Variants in PES1 observed in about 807,000 individuals in gnomAD.
The protein encoded by PES1 is pescadillo homolog.
In PES1, 31 loss-of-function variants were observed where a neutral mutation model predicts 77.1. That is an observed-to-expected ratio of 0.40 (90% CI 0.30 to 0.54). The LOEUF is 0.54. PES1 is among the 20% of genes least tolerant of loss of function. The pLI is 0.45. For synonymous variants in PES1, 282 were observed against 303.0 expected (o/e 0.93, Z 0.72); for missense variants, 658 against 771.7 (o/e 0.85, Z 1.75).
Position 30,578,831 on chromosome 22 carries a change from A to T in PES1, c.1683+6T>A. The stretch of plus-strand genomic sequence containing the variant: ...CCTGGATCTCAAGTGGGTGGCAAGA[A>T]CTCACCTCTCGGATTTTTCGCCTCT... On this transcript the variant is annotated splice_donor_region_variant and intron_variant, in intron 14 of 14. Coordinates refer to ENST00000354694, the MANE Select transcript of PES1 (RefSeq NM_014303.4). The T allele has an allele frequency of 3.7e-6, 6 of 1,612,074 alleles. No homozygotes were observed. Among genetic ancestry groups the T allele is most frequent in the Non-Finnish European group, 5.1e-6 (6 of 1,179,934 alleles).
intron 2 of PES1, among the ~76,000 whole-genome samples, chr22:30,599,454 G>GTTTT (rs2087320300): frequency 3.3e-5 from 5 of 152,046 alleles, no homozygotes; most frequent in African/African-American, 1.2e-4. Context: ...TAGTTTAATA[G>GTTTT]GAAACAGCGA....
chr22:30,579,708 G>GT, intron 12 of PES1, 43 bp downstream of exon 12: 1 of 1,582,454 alleles, frequency 6.3e-7, no homozygotes, highest in Non-Finnish European at 8.6e-7. Context: ...AACAGCCAGC[G>GT]TGGGCCCAGG....
chr22:30,588,504 G>A (rs1174664943), intron 2 of PES1, among the ~76,000 whole-genome samples: 5 of 152,194 alleles, frequency 3.3e-5, no homozygotes, highest in African/African-American at 4.8e-5. Context: ...GTGGCTAGGC[G>A]TGATGGCTCA....
rs1324657157 is a variant in PES1 at position 30,597,901 on chromosome 22, T to A, written c.-660-5503A>T. On this transcript the variant is annotated intron_variant, in intron 2 of 16. Transcript: ENST00000402281. The stretch of plus-strand genomic sequence containing the variant: ...AGTTTTGTTTTTTTTTTTTTTGTTT[T>A]GAGTCGGAGTCTCACTCTGTCGCCC... Among the ~76,000 whole-genome samples the A allele has an allele frequency of 1.3e-4, 16 of 124,826 alleles. 1 individual carries two copies. The highest frequency in any genetic ancestry group is 3.3e-5 in the Non-Finnish European group (2 of 59,764). The allele number at this position is 124,826 out of a possible 152,430, so 81.9% of individuals were successfully genotyped here.
Position 30,580,075 on chromosome 22 carries a change from G to A in PES1, c.1147C>T (p.Gln383Ter), listed in dbSNP as rs1361822878. Residue 383 changes from glutamine (Q) to a stop codon, truncating the protein, a stop_gained, in exon 11 of 15, where the codon CAG becomes TAG. Transcript: ENST00000354694. LOFTEE classifies it high-confidence loss of function. ...ITHQIVDRPG[Q>*]QTSVIGRCYV... ...TACCTGCCAATGACTGAGGTCTGCT[G>A]CCCAGGCCGGTCGACAATCTGATGG... 6.2e-7 allele frequency: 1 copy of A among 1,614,110 alleles called. No individual in the cohort carries two copies. Among genetic ancestry groups the A allele is most frequent in the South Asian group, 1.1e-5 (1 of 91,078 alleles).
upstream of PES1, chr22:30,591,961 G>A (rs1408733023): frequency 5.6e-6 from 8 of 1,423,820 alleles, no homozygotes; most frequent in African/African-American, 7.2e-5. Flanking sequence ...GCTGCCCAAT[G>A]AGATGCCTGT....
intron 8 of PES1, 89 bp downstream of exon 8, chr22:30,581,245 A>T (rs1355405554): frequency 1.4e-6 from 2 of 1,454,802 alleles, no homozygotes; most frequent in East Asian, 2.3e-5. Flanking sequence ...AGCCATAACC[A>T]CCCCCACTCT....
chr22:30,602,181 G>GGATC (rs2087365832), intron 2 of PES1, among the ~76,000 whole-genome samples: 1 of 152,132 alleles, frequency 6.6e-6, no homozygotes, highest in Non-Finnish European at 1.5e-5. Flanking sequence ...GGAGGTGACT[G>GGATC]GATCATGGAG....
At position 30,589,290 on chromosome 22, in the gene PES1, A is replaced by G. The variant is rs377094701; in HGVS notation, c.25-20T>C. On this transcript the variant is annotated intron_variant, in intron 1 of 14. Transcript: ENST00000354694. ...TTCATACTGGGAGAGGAAAAAAACA[A>G]TTCTCCATTAGCAATGATTGTAGTG... is the stretch of plus-strand genomic sequence containing the variant. 19 of 1,593,058 alleles carry G rather than the reference A, an allele frequency of 1.2e-5. 1 individual carries two copies. The highest frequency in any genetic ancestry group is 5.1e-5 in the Admixed American group (3 of 59,186).
chr22:30,581,821 G>T (rs917764895), intron 6 of PES1, among the ~76,000 whole-genome samples, 177 bp from the exon 7 acceptor site: 1 of 152,156 alleles, frequency 6.6e-6, no homozygotes, highest in Non-Finnish European at 1.5e-5. Flanking sequence ...TCCCACCAGG[G>T]GCGTTCCGGC....
At chr22:30,599,265 A>C (rs1043973668) in intron 2 of PES1, among the ~76,000 whole-genome samples, 2 of 150,196 alleles carry the variant, frequency 1.3e-5, no homozygotes, top group Non-Finnish European at 3.0e-5. Context: ...ATGTCTTCAA[A>C]ATTGTTAACA....
Position 30,580,058 on chromosome 22 carries a change from A to C in PES1, c.1164T>G (p.Ile388Met), listed in dbSNP as rs754566469. 3.1e-6 allele frequency: 5 copies of C among 1,613,802 alleles called. No homozygotes were observed. Among genetic ancestry groups the C allele is most frequent in the Non-Finnish European group, 4.2e-6 (5 of 1,179,914 alleles). ...GAGGACCCTTGAGGGCCTACCTGCC[A>C]ATGACTGAGGTCTGCTGCCCAGGCC... ...VDRPGQQTSV[I>M]GRCYVQPQWV... Residue 388 changes from isoleucine (I) to methionine (M), a missense_variant, in exon 11 of 15, where the codon ATT becomes ATG. Ile to Met is a conservative substitution (Grantham distance 10, BLOSUM62 1). Coordinates refer to ENST00000354694, the MANE Select transcript of PES1 (RefSeq NM_014303.4).
Position 30,581,030 on chromosome 22 carries a change from A to T in PES1, c.894T>A (p.Asp298Glu). Residue 298 changes from aspartate to glutamate, a missense_variant, in exon 9 of 15, where the codon GAT (aspartate) becomes GAA (glutamate). Coordinates refer to ENST00000354694, the MANE Select transcript of PES1 (RefSeq NM_014303.4). Reference sequence around the variant, plus strand: ...TGCTCACCCCATCGGTGGGAAACTCATCCACCTCGGCCTCCTCCTCTGTGG... The same window carrying T: ...TGCTCACCCCATCGGTGGGAAACTCTTCCACCTCGGCCTCCTCCTCTGTGG... The part of the protein sequence containing the change: ...VPATEEEAEV[D>E]EFPTDGEMSA... 6.2e-7 allele frequency: 1 copy of T among 1,612,428 alleles called. No individual in the cohort carries two copies. The highest frequency in any genetic ancestry group is 1.1e-5 in the South Asian group (1 of 90,960).
At position 30,578,984 on chromosome 22, in the gene PES1, C is replaced by T. The variant is rs779511782; in HGVS notation, c.1536G>A (p.Met512Ile). 4 of 1,611,346 alleles carry T rather than the reference C, an allele frequency of 2.5e-6. No homozygotes were observed. The highest frequency in any genetic ancestry group is 4.5e-5 in the East Asian group (2 of 44,882). Residue 512 changes from methionine to isoleucine, a missense_variant, in exon 14 of 15, where the codon ATG becomes ATA. By Grantham distance (10) the Met-to-Ile change is conservative (BLOSUM62 1). Coordinates refer to ENST00000354694, the MANE Select transcript of PES1 (RefSeq NM_014303.4). ...TATCCTCCAGCTTCAAGGTGCCTGC[C>T]ATCACCCTGGGCTTCTGGGGACACA... ...QRMEGKKPRVMAGTLKLEDKQ... is the reference protein window; with the variant it reads ...QRMEGKKPRVIAGTLKLEDKQ...
At chr22:30,589,380 G>T in intron 1 of PES1, 110 bp from the exon 2 acceptor site, 1 of 897,846 alleles carries the variant, frequency 1.1e-6, no homozygotes, top group Non-Finnish European at 1.8e-6. Flanking sequence ...AAGTGGCTGA[G>T]ATGAGTCTAG....
intron 2 of PES1, among the ~76,000 whole-genome samples, chr22:30,603,249 GT>G (rs1281420102): frequency 6.6e-6 from 1 of 152,078 alleles, no homozygotes; most frequent in African/African-American, 2.4e-5. Context: ...CCCCTAAAAG[GT>G]TCTTGGAGAC....
chr22:30,581,355 C>T lies in PES1; in HGVS notation c.801G>A (p.Leu267=). 1.2e-6 allele frequency: 2 copies of T among 1,613,854 alleles called. No individual in the cohort carries two copies. Among genetic ancestry groups the T allele is most frequent in the Non-Finnish European group, 1.7e-6 (2 of 1,180,026 alleles). The stretch of plus-strand genomic sequence containing the variant: ...TCACCTCCATACAACTCTCGGAGTC[C>T]AACGCGTAGGTGCCCTCACCGGCCT... ...EAKAGEGTYA[L]DSESCMEKLA... is the part of the protein sequence containing the mutation. The change falls in exon 8 of 15, where the codon TTG becomes TTA. Residue 267 remains leucine (L), a synonymous_variant. Transcript: ENST00000354694.
intron 1 of PES1, among the ~76,000 whole-genome samples, chr22:30,590,423 A>G (rs1231763133): frequency 6.6e-6 from 1 of 152,234 alleles, no homozygotes; most frequent in Admixed American, 6.5e-5. Context: ...ACGTTTACTA[A>G]TAACATCATA....
intron 2 of PES1, among the ~76,000 whole-genome samples, chr22:30,604,578 C>T (rs1410097923): frequency 3.3e-5 from 5 of 151,646 alleles, no homozygotes; most frequent in African/African-American, 9.7e-5. Context: ...TGTAGTGAGC[C>T]GAGATCATGC....
Sources: allele counts gnomAD v4.1 joint callset (sites outside exome capture counted in the v4.1 genomes callset), GRCh38; gene constraint gnomAD v4.1.1; transcripts MANE v1.5; gene names NCBI Gene and HGNC (gene_info 2026-07-23, HGNC 2026-07-21).